RC3H1: variants seen among roughly 807,000 people sequenced by gnomAD.
RC3H1 encodes the protein roquin-1.
A neutral mutation model predicts 138.2 loss-of-function variants in RC3H1; 50 were observed. The ratio of observed to expected loss-of-function variants is 0.36; its 90% CI spans 0.29 to 0.46. The LOEUF (loss-of-function observed/expected upper bound fraction) is 0.46. Among genes scored for constraint, RC3H1 ranks in the 20% least tolerant of loss-of-function variants. The pLI, the probability that RC3H1 is intolerant of heterozygous loss-of-function variation, is 1.00. For synonymous variants in RC3H1, 462 were observed against 489.1 expected (o/e 0.94, Z 0.73); for missense variants, 1,031 against 1,388.1 (o/e 0.74, Z 4.09).
intron 11 of RC3H1, 100 bp from the exon 12 acceptor site, chr1:173,962,195 T>C: frequency 1.8e-6 from 2 of 1,106,486 alleles, no homozygotes; most frequent in Non-Finnish European, 2.6e-6. Flanking sequence ...AAAGTATTGA[T>C]AATCTACTTA....
intron 1 of RC3H1, among the ~76,000 whole-genome samples, chr1:173,995,425 T>C (rs568858703): frequency 6.6e-6 from 1 of 151,720 alleles, no homozygotes; most frequent in South Asian, 2.1e-4. Context: ...TCTCAGCTAC[T>C]TGGGAGGCTG....
chr1:173,963,895 G>A, intron 11 of RC3H1, 78 bp downstream of exon 11: 1 of 1,195,828 alleles, frequency 8.4e-7, no homozygotes, highest in Non-Finnish European at 1.2e-6. Context: ...AGGCTACTGT[G>A]TAAATGATCA....
chr1:173,965,091 G>A lies in RC3H1; in HGVS notation c.1364C>T (p.Pro455Leu), dbSNP rs374104801. 27 of 1,613,184 alleles carry A rather than the reference G, an allele frequency of 1.7e-5. No individual in the cohort carries two copies. The highest frequency in any genetic ancestry group is 2.0e-5 in the Non-Finnish European group (24 of 1,179,694). The change falls in exon 10 of 20, where the codon CCG (proline) becomes CTG (leucine). Residue 455 changes from proline (P) to leucine (L), a missense_variant. Transcript: ENST00000367696. ...CAAAGAGGCACTCAAGGGTCTTCTCGGAACCAGGCGCTTATTCATTTTACG... is the reference window on the plus strand; with the variant it reads ...CAAAGAGGCACTCAAGGGTCTTCTCAGAACCAGGCGCTTATTCATTTTACG... Reference protein sequence around the residue: ...KFRKMNKRLVPRRPLSASLGQ... With the variant: ...KFRKMNKRLVLRRPLSASLGQ...
rs150359808 is a variant in RC3H1, at chr1:173,989,709, AG to A, written c.231+3045del. ...AGTTAATAGAGTAAATGTTTATTCA[AG>A]TTTTTTTTTTTTTTTTTTTTTTTTT... is the stretch of plus-strand genomic sequence containing the variant. On this transcript the variant is annotated intron_variant, in intron 2 of 19. Transcript: ENST00000367696. Among the ~76,000 whole-genome samples the A allele has an allele frequency of 7.7e-3, 1,064 of 137,872 alleles. 28 individuals are homozygous for A. The highest frequency in any genetic ancestry group is 0.027 in the African/African-American group (979 of 36,148). The allele number at this position is 137,872 out of a possible 152,430, so 90.4% of individuals were successfully genotyped here.
At position 173,937,575 on chromosome 1, in the gene RC3H1, T is replaced by C. The variant is rs1294094451; in HGVS notation, c.*1146A>G. The C allele has an allele frequency of 1.3e-4, 20 of 152,102 alleles. 1 individual carries two copies. Among genetic ancestry groups the C allele is most frequent in the Admixed American group, 1.2e-3 (19 of 15,262 alleles). 9.4% of individuals were successfully genotyped at this position (152,102 alleles called of 1,614,324 possible). A position where few individuals can be genotyped will look rare whatever the true frequency, so the allele number is the denominator to read the frequency against. On this transcript the variant is annotated 3_prime_UTR_variant, in exon 20 of 20. Transcript: ENST00000367696. Reference sequence around the variant, plus strand: ...TTTTCATGAAGAAACATTTGCAACATTGGACAGTTAAGTCTATGAAAAATG... The same window carrying C: ...TTTTCATGAAGAAACATTTGCAACACTGGACAGTTAAGTCTATGAAAAATG...
rs532768785 is a variant in RC3H1 at position 173,934,109 on chromosome 1, G to A, written c.*4612C>T. The A allele has an allele frequency of 5.3e-5, 8 of 152,158 alleles. No individual in the cohort carries two copies. Among genetic ancestry groups the A allele is most frequent in the African/African-American group, 1.7e-4 (7 of 41,530 alleles). 9.4% of individuals were successfully genotyped at this position (152,158 alleles called of 1,614,324 possible). A position where few individuals can be genotyped will look rare whatever the true frequency, so the allele number is the denominator to read the frequency against. On this transcript the variant is annotated 3_prime_UTR_variant, in exon 20 of 20. Coordinates refer to ENST00000367696, the MANE Select transcript of RC3H1 (RefSeq NM_172071.4). Reference sequence around the variant, plus strand: ...AAACCTTTACTCAATTATTTAAAACGAGCAAAAAGAGAGTAGAAAAATGGT... The same window carrying A: ...AAACCTTTACTCAATTATTTAAAACAAGCAAAAAGAGAGTAGAAAAATGGT...
intron 1 of RC3H1, among the ~76,000 whole-genome samples, chr1:174,019,489 A>G (rs1362969823): frequency 6.6e-6 from 1 of 152,200 alleles, no homozygotes; most frequent in Non-Finnish European, 1.5e-5. Context: ...CTTCATATGA[A>G]AAAATGAGGA....
Position 173,952,047 on chromosome 1 carries a change from T to C in RC3H1, c.2462A>G (p.Tyr821Cys), listed in dbSNP as rs1659423726. 6.2e-7 allele frequency: 1 copy of C among 1,608,270 alleles called. No individual in the cohort carries two copies. The highest frequency in any genetic ancestry group is 8.5e-7 in the Non-Finnish European group (1 of 1,177,106). Residue 821 changes from tyrosine (Y) to cysteine (C), a missense_variant, in exon 14 of 20, where the codon TAC becomes TGC. This residue lies in a region of RC3H1 where 716 missense variants were observed against 837.9 expected (regional missense o/e 0.85). Coordinates refer to ENST00000367696, the MANE Select transcript of RC3H1 (RefSeq NM_172071.4). ...SPWSCDTIGS[Y>C]IGTKDAKPKD... is the part of the protein sequence containing the mutation. ...GGGTTTTGCATCTTTGGTTCCAATG[T>C]AGGAGCCGATGGTGTCACATGACCA...
chr1:174,011,845 A>G (rs1371058704), intron 1 of RC3H1, among the ~76,000 whole-genome samples: 1 of 152,224 alleles, frequency 6.6e-6, no homozygotes, highest in African/African-American at 2.4e-5. Context: ...TAGGATGCCA[A>G]TAATGTTCAG....
intron 2 of RC3H1, 136 bp downstream of exon 2, chr1:173,992,619 T>C (rs1000306335): frequency 1.7e-5 from 11 of 642,482 alleles, no homozygotes; most frequent in Non-Finnish European, 2.4e-5. Flanking sequence ...TAGAAGGCAA[T>C]GTTACCCAAT....
chr1:173,962,859 C>T (rs929713802), intron 11 of RC3H1, among the ~76,000 whole-genome samples: 8 of 152,106 alleles, frequency 5.3e-5, no homozygotes, highest in Non-Finnish European at 7.4e-5. Flanking sequence ...ATACAAATCA[C>T]GTTTTATCAT....
chr1:173,979,555 C>T (rs753872004), intron 6 of RC3H1, among the ~76,000 whole-genome samples: 7 of 152,110 alleles, frequency 4.6e-5, no homozygotes, highest in Non-Finnish European at 8.8e-5. Context: ...ACTTGGGAGG[C>T]TGAGGCAGGA....
chr1:173,993,395 CTTAAGT>C (rs1661374959), intron 1 of RC3H1, among the ~76,000 whole-genome samples: 1 of 148,898 alleles, frequency 6.7e-6, no homozygotes, highest in African/African-American at 2.6e-5. Flanking sequence ...ACCCTAGTCT[CTTAAGT>C]TTATCTAAGT....
At chr1:173,961,021 AAACC>A in intron 13 of RC3H1, 52 bp downstream of exon 13, 7 of 1,548,048 alleles carry the variant, frequency 4.5e-6, no homozygotes, top group Non-Finnish European at 6.2e-6. Context: ...AAGATGACTT[AAACC>A]GGACACACAC....
intron 1 of RC3H1, among the ~76,000 whole-genome samples, chr1:174,006,931 G>A (rs977543177): frequency 1.3e-5 from 2 of 152,188 alleles, no homozygotes; most frequent in Non-Finnish European, 2.9e-5. Context: ...TCAGTTCAAC[G>A]AATTATCACA....
At chr1:174,003,662 A>AT (rs1296950005) in intron 1 of RC3H1, among the ~76,000 whole-genome samples, 2,271 of 143,092 alleles carry the variant, frequency 0.016, 17 homozygotes, top group Non-Finnish European at 0.018. Flanking sequence ...AAATCAGAGA[A>AT]TTTTTTTTTT....
At chr1:173,995,755 A>C (rs1386612233) in intron 1 of RC3H1, among the ~76,000 whole-genome samples, 1 of 152,146 alleles carries the variant, frequency 6.6e-6, no homozygotes, top group Admixed American at 6.5e-5. Context: ...TCAACTAGGA[A>C]GAGTAACAAC....
At chr1:173,992,375 G>C (rs953530349) in intron 2 of RC3H1, among the ~76,000 whole-genome samples, 3 of 151,984 alleles carry the variant, frequency 2.0e-5, no homozygotes, top group African/African-American at 7.2e-5. Flanking sequence ...TCAAACACCT[G>C]ACCTCAAATG....
chr1:173,987,906 TC>T (rs1342944548), intron 2 of RC3H1, among the ~76,000 whole-genome samples: 1 of 152,202 alleles, frequency 6.6e-6, no homozygotes, highest in Non-Finnish European at 1.5e-5. Context: ...GTTAACTGGC[TC>T]CAATCATTTC....
Sources: allele counts gnomAD v4.1 joint callset (sites outside exome capture counted in the v4.1 genomes callset), GRCh38; gene constraint gnomAD v4.1.1; regional missense constraint gnomAD v4.1.1; transcripts MANE v1.5; gene names NCBI Gene and HGNC (gene_info 2026-07-23, HGNC 2026-07-21).